Variants in MCF2L observed in about 807,000 individuals in gnomAD.
MCF2L encodes the protein guanine nucleotide exchange factor DBS.
MCF2L carries 97 observed loss-of-function variants against 153.4 expected under a neutral mutation model. The ratio of observed to expected loss-of-function variants is 0.63; its 90% CI spans 0.54 to 0.75. The LOEUF is 0.75. Ranked by LOEUF, MCF2L falls within the 30% of genes least tolerant of loss-of-function variation. The pLI is 0.00. For missense variants in MCF2L, 1,347 were observed against 1,495.2 expected (o/e 0.90, Z 1.64); for synonymous variants, 659 against 632.2 (o/e 1.04, Z -0.64).
chr13:112,958,950 C>G (rs926887371), intron 2 of MCF2L, among the ~76,000 whole-genome samples: 1 of 152,148 alleles, frequency 6.6e-6, no homozygotes, highest in African/African-American at 2.4e-5. Flanking sequence ...GATGGCTGCA[C>G]CTCCCCCCGG....
At chr13:113,090,932 C>A (rs2035145699) in intron 26 of MCF2L, 2 of 1,193,010 alleles carry the variant, frequency 1.7e-6, no homozygotes, top group South Asian at 3.1e-5. Context: ...GCCCTCCCGG[C>A]CCCTCCTTCA....
chr13:112,973,094 G>C (rs1254074150), intron 1 of MCF2L, among the ~76,000 whole-genome samples: 1 of 152,028 alleles, frequency 6.6e-6, no homozygotes, highest in Non-Finnish European at 1.5e-5. Flanking sequence ...GTGTGGAATT[G>C]AAGAGCTCTC....
intron 2 of MCF2L, among the ~76,000 whole-genome samples, chr13:112,935,014 T>A (rs2081501034): frequency 6.6e-6 from 1 of 152,192 alleles, no homozygotes; most frequent in African/African-American, 2.4e-5. Context: ...AGCAAGGTGG[T>A]TGAATTGTGT....
intron 1 of MCF2L, among the ~76,000 whole-genome samples, chr13:112,897,886 C>T (rs550844889): frequency 1.3e-5 from 2 of 152,254 alleles, no homozygotes; most frequent in South Asian, 2.1e-4. Context: ...TCAGGGGTGT[C>T]GGCCTGGCAC....
intron 2 of MCF2L, among the ~76,000 whole-genome samples, chr13:113,023,750 G>A (rs767116419): frequency 2.0e-5 from 3 of 152,202 alleles, no homozygotes; most frequent in Non-Finnish European, 4.4e-5. Flanking sequence ...CACTGACTGT[G>A]TCCTCTGCTC....
intron 1 of MCF2L, among the ~76,000 whole-genome samples, chr13:112,971,924 G>A (rs1356809564): frequency 6.6e-6 from 1 of 152,210 alleles, no homozygotes; most frequent in African/African-American, 2.4e-5. Context: ...TTAAGCATTC[G>A]ATGAAACAGA....
Position 113,046,117 on chromosome 13 carries a change from G to A in MCF2L, c.369+756G>A, listed in dbSNP as rs981462172. ...CCCAGAGTAATCATTTAAGAGGGAA[G>A]AGATTAAGTCAGCAGAAGCCCCCAA... On this transcript the variant is annotated intron_variant, in intron 4 of 29. Coordinates refer to ENST00000535094, the MANE Select transcript of MCF2L (RefSeq NM_001112732.3). The surrounding 1 kb of genome is among the most constrained non-coding windows in gnomAD (Gnocchi z 4.4). The A allele has an allele frequency of 1.3e-5, 2 of 159,516 alleles. No individual in the cohort carries two copies. Among genetic ancestry groups the A allele is most frequent in the African/African-American group, 4.8e-5 (2 of 41,522 alleles). 9.9% of individuals were successfully genotyped at this position (159,516 alleles called of 1,614,324 possible).
intron 2 of MCF2L, among the ~76,000 whole-genome samples, chr13:113,019,254 G>C (rs1000758253): frequency 5.3e-5 from 8 of 152,234 alleles, no homozygotes; most frequent in Non-Finnish European, 1.2e-4. Flanking sequence ...GCAGTCCTGA[G>C]AGAGGGATTC....
At chr13:113,091,766 C>A (rs565775627) in intron 26 of MCF2L, among the ~76,000 whole-genome samples, 2 of 151,724 alleles carry the variant, frequency 1.3e-5, no homozygotes, top group South Asian at 4.1e-4. Context: ...AGGGTGAAAA[C>A]TGCCCTGTGA....
chr13:113,031,881 CACACACACAG>C lies in MCF2L; in HGVS notation c.278+7125_278+7134del, dbSNP rs1226083586. Among the ~76,000 whole-genome samples, 4 of 151,980 alleles carry C rather than the reference CACACACACAG, an allele frequency of 2.6e-5. No homozygotes were observed. The highest frequency in any genetic ancestry group is 1.5e-5 in the Non-Finnish European group (1 of 67,988). ...CTTGCACATGCCACACACACACACA[CACACACACAG>C]ATGCACGCAGACACGCAGGCACTCA... On this transcript the variant is annotated intron_variant, in intron 3 of 29. Transcript: ENST00000535094. The surrounding 1 kb of genome is among the most constrained non-coding windows in gnomAD (Gnocchi z 5.5).
At position 112,921,048 on chromosome 13, in the gene MCF2L, G is replaced by A. The variant is rs543070067; in HGVS notation, c.169+18677G>A. Among the ~76,000 whole-genome samples, 4 of 151,996 alleles carry A rather than the reference G, an allele frequency of 2.6e-5. No homozygotes were observed. In the South Asian group the frequency reaches 8.3e-4, roughly 32 times the overall value. ...AAAAATTAGCCGGGTGTGGTGGCGG[G>A]CGCCTGTAGTCCCAGCTACTCGGGA... On this transcript the variant is annotated intron_variant, in intron 2 of 29. Coordinates refer to the MCF2L transcript ENST00000375608.
Position 113,045,774 on chromosome 13 carries a change from G to T in MCF2L, c.369+413G>T. The T allele has an allele frequency of 4.2e-6, 1 of 236,680 alleles. No homozygotes were observed. 14.7% of individuals were successfully genotyped at this position (236,680 alleles called of 1,614,324 possible). On this transcript the variant is annotated intron_variant, in intron 4 of 29. Coordinates refer to ENST00000535094, the MANE Select transcript of MCF2L (RefSeq NM_001112732.3). This position sits in a 1 kb window ranked among gnomAD's most constrained non-coding sequence, Gnocchi z 4.2. ...CACCACCGCCTCCCTTCCCCAGTGGGATTGAACATGCACTTCCTCTTACAC... is the reference window on the plus strand; with the variant it reads ...CACCACCGCCTCCCTTCCCCAGTGGTATTGAACATGCACTTCCTCTTACAC...
At chr13:112,956,472 G>A (rs903227950) in intron 2 of MCF2L, 3 of 152,208 alleles carry the variant, frequency 2.0e-5, no homozygotes, top group Non-Finnish European at 4.4e-5. Flanking sequence ...AGTATAACAG[G>A]ACCCCTGATA....
intron 1 of MCF2L, chr13:113,001,740 A>G: frequency 7.3e-7 from 1 of 1,364,730 alleles, no homozygotes; most frequent in Non-Finnish European, 9.4e-7. Context: ...AGGCCCTGGG[A>G]GGAGCAGCCG....
At chr13:112,898,319 C>T (rs904373195) in intron 1 of MCF2L, among the ~76,000 whole-genome samples, 4 of 152,226 alleles carry the variant, frequency 2.6e-5, no homozygotes, top group African/African-American at 7.2e-5. Context: ...TGGGCCTCTC[C>T]GCGCTCTACC....
rs948057185 is a variant in MCF2L, at chr13:112,951,744, G to A, written c.169+49373G>A. On this transcript the variant is annotated intron_variant, in intron 2 of 29. Transcript: ENST00000375608. This position sits in a 1 kb window ranked among gnomAD's most constrained non-coding sequence, Gnocchi z 4.8. Reference sequence around the variant, plus strand: ...GGGTAGAGACAGCCCAGGTCTGGCTGCGTCATTGTCAGTATGCTGGCTGCA... The same window carrying A: ...GGGTAGAGACAGCCCAGGTCTGGCTACGTCATTGTCAGTATGCTGGCTGCA... 6.6e-6 allele frequency among the ~76,000 whole-genome samples: 1 copy of A among 152,194 alleles called. No individual in the cohort carries two copies. The highest frequency in any genetic ancestry group is 1.5e-5 in the Non-Finnish European group (1 of 68,032).
At chr13:112,946,896 G>A (rs2081643047) in intron 2 of MCF2L, among the ~76,000 whole-genome samples, 1 of 152,194 alleles carries the variant, frequency 6.6e-6, no homozygotes, top group Non-Finnish European at 1.5e-5. Context: ...ACTCTGAGGG[G>A]GGGAGGAGGA....
Position 113,070,071 on chromosome 13 carries a change from G to T in MCF2L, c.894G>T (p.Gln298His). The T allele has an allele frequency of 6.2e-7, 1 of 1,609,296 alleles. No individual in the cohort carries two copies. The highest frequency in any genetic ancestry group is 8.5e-7 in the Non-Finnish European group (1 of 1,178,238). ...NQATVQRLLA[Q>H]LNETEAAFDE... ...TCCTCTTTCCCAGGCTCCTGGCCCA[G>T]CTGAACGAAACCGAGGCTGCCTTCG... Residue 298 changes from glutamine (Q) to histidine (H), a missense_variant, in exon 9 of 30, where the codon CAG becomes CAT. Gln to His is a conservative substitution (Grantham distance 24). This residue lies in a region of MCF2L where 820 missense variants were observed against 921.2 expected (regional missense o/e 0.89). Transcript: ENST00000535094. The surrounding 1 kb of genome is among the most constrained non-coding windows in gnomAD (Gnocchi z 5.6).
At chr13:112,898,766 TC>T (rs1389723845) in intron 1 of MCF2L, among the ~76,000 whole-genome samples, 1 of 152,150 alleles carries the variant, frequency 6.6e-6, no homozygotes, top group Non-Finnish European at 1.5e-5. Context: ...ACTCTCCTTG[TC>T]CATCACACCT....
Sources: allele counts gnomAD v4.1 joint callset (sites outside exome capture counted in the v4.1 genomes callset), GRCh38; gene constraint gnomAD v4.1.1; regional missense constraint gnomAD v4.1.1; non-coding constraint Gnocchi (gnomAD v3.1); transcripts MANE v1.5; gene names NCBI Gene and HGNC (gene_info 2026-07-23, HGNC 2026-07-21).